Variants in SLC22A12 observed in about 807,000 individuals in gnomAD.
SLC22A12 encodes the protein solute carrier family 22 member 12, also known as organic anion transporter 4-like protein.
In SLC22A12, 56 loss-of-function variants were observed where a neutral mutation model predicts 52.7. The observed-to-expected ratio is 1.06, with a 90% CI of 0.86 to 1.33. The LOEUF is 1.33. Among genes scored for constraint, SLC22A12 ranks in the 40% most tolerant of loss-of-function variants. SLC22A12 has a pLI of 0.00. For synonymous variants in SLC22A12, 337 were observed against 324.6 expected (o/e 1.04, Z -0.41); for missense variants, 683 against 741.5 (o/e 0.92, Z 0.92).
At chr11:64,593,890 G>A (rs1767821577) in intron 4 of SLC22A12, 87 bp downstream of exon 4, 8 of 1,527,220 alleles carry the variant, frequency 5.2e-6, no homozygotes, top group Middle Eastern at 1.7e-4. Flanking sequence ...TTCCCTGGGG[G>A]CTGGGGAGTG....
chr11:64,595,963 GATGGA>G (rs2039186008), intron 4 of SLC22A12, among the ~76,000 whole-genome samples: 1 of 140,346 alleles, frequency 7.1e-6, no homozygotes, highest in Non-Finnish European at 1.6e-5. Context: ...TGGATGGATG[GATGGA>G]ATGGATGGAT....
intron 1 of SLC22A12, among the ~76,000 whole-genome samples, chr11:64,592,519 G>A (rs1280680093): frequency 6.6e-6 from 1 of 152,140 alleles, no homozygotes; most frequent in African/African-American, 2.4e-5. Flanking sequence ...CAGGAGAGAG[G>A]GGCAGATGTG....
chr11:64,598,161 G>T (rs1426256779), intron 4 of SLC22A12, among the ~76,000 whole-genome samples: 1 of 152,096 alleles, frequency 6.6e-6, no homozygotes, highest in African/African-American at 2.4e-5. Context: ...AGCCCTAGGG[G>T]CCCTGACTGC....
intron 4 of SLC22A12, among the ~76,000 whole-genome samples, chr11:64,594,741 A>T (rs200964999): frequency 1.6e-5 from 2 of 128,936 alleles, no homozygotes; most frequent in African/African-American, 5.7e-5. Context: ...AGACGGACGG[A>T]CGGTTGGATG....
chr11:64,593,908 C>G lies in SLC22A12; in HGVS notation c.830+105C>G, dbSNP rs2039003990. 11 of 1,485,354 alleles carry G rather than the reference C, an allele frequency of 7.4e-6. No individual in the cohort carries two copies. The Admixed American group carries it at 2.2e-4, about 29-fold the overall frequency. 92.0% of individuals were successfully genotyped at this position (1,485,354 alleles called of 1,614,324 possible). On this transcript the variant is annotated intron_variant, in intron 4 of 9. Transcript: ENST00000377574. ...CCTGGGGGCTGGGGAGTGCTAGAGG[C>G]CAGGGGTGCATGGGCTGGAGGAAAG... is the stretch of plus-strand genomic sequence containing the variant.
At position 64,601,614 on chromosome 11, in the gene SLC22A12, G is replaced by A. The variant is rs993529498; in HGVS notation, c.*63G>A. ...AGACTTCTTCTGTTCTCTGGAGAAG[G>A]CAGGAGGAAAGCAAAGACCTCCATT... On this transcript the variant is annotated 3_prime_UTR_variant, in exon 10 of 10. Coordinates refer to ENST00000377574, the MANE Select transcript of SLC22A12 (RefSeq NM_144585.4). The A allele has an allele frequency of 1.9e-6, 3 of 1,578,326 alleles. No individual in the cohort carries two copies. Among genetic ancestry groups the A allele is most frequent in the South Asian group, 1.1e-5 (1 of 89,180 alleles).
rs888147463 is a variant in SLC22A12 at position 64,601,811 on chromosome 11, G to A, written c.*260G>A. ...TGCACCATCACCCTGCCCTGCCCTC[G>A]TGGCTTCGGAGAGCAGAGGGGTCAG... On this transcript the variant is annotated 3_prime_UTR_variant, in exon 10 of 10. Transcript: ENST00000377574. 4.9e-5 allele frequency: 23 copies of A among 468,866 alleles called. No individual in the cohort carries two copies. Among genetic ancestry groups the A allele is most frequent in the African/African-American group, 2.6e-4 (12 of 46,800 alleles). The allele number at this position is 468,866 out of a possible 1,614,324, so 29.0% of individuals were successfully genotyped here.
intron 5 of SLC22A12, 77 bp downstream of exon 5, chr11:64,598,716 C>T: frequency 6.2e-7 from 1 of 1,601,446 alleles, no homozygotes; most frequent in East Asian, 2.3e-5. Context: ...GGGAGACCCA[C>T]CAAGGACCTC....
At chr11:64,594,416 C>G (rs2039019117) in intron 4 of SLC22A12, among the ~76,000 whole-genome samples, 1 of 152,232 alleles carries the variant, frequency 6.6e-6, no homozygotes, top group South Asian at 2.1e-4. Context: ...TGCCGAGCAC[C>G]TGGCACATAG....
rs1235171615 is a variant in SLC22A12 at position 64,592,854 on chromosome 11, G to A, written c.478G>A (p.Ala160Thr). Residue 160 changes from alanine to threonine, a missense_variant, in exon 2 of 10, where the codon GCT becomes ACT. Coordinates refer to ENST00000377574, the MANE Select transcript of SLC22A12 (RefSeq NM_144585.4). ...CTACCTGGCTGGGATTCTGGTGGGAGCTGCTGCGTGCGGCCCTGCCTCAGA... is the reference window on the plus strand; with the variant it reads ...CTACCTGGCTGGGATTCTGGTGGGAACTGCTGCGTGCGGCCCTGCCTCAGA... The part of the protein sequence containing the change: ...SIYLAGILVG[A>T]AACGPASDRF... The A allele has an allele frequency of 2.5e-6, 4 of 1,613,798 alleles. No individual in the cohort carries two copies. Among genetic ancestry groups the A allele is most frequent in the Non-Finnish European group, 3.4e-6 (4 of 1,180,030 alleles).
intron 4 of SLC22A12, 43 bp from the exon 5 acceptor site, chr11:64,598,473 G>T (rs2039325183): frequency 1.3e-6 from 2 of 1,551,974 alleles, no homozygotes; most frequent in African/African-American, 2.7e-5. Flanking sequence ...CCAGGCACTG[G>T]GGGCCACAGG....
intron 9 of SLC22A12, 146 bp from the exon 10 acceptor site, chr11:64,601,342 C>G: frequency 1.2e-6 from 1 of 805,672 alleles, no homozygotes; most frequent in East Asian, 2.7e-5. Flanking sequence ...CACACACACC[C>G]CCAACCCATC....
chr11:64,592,736 GCT>G, intron 1 of SLC22A12, 41 bp from the exon 2 acceptor site: 1 of 1,537,376 alleles, frequency 6.5e-7, no homozygotes. Flanking sequence ...CTCTGCTGGG[GCT>G]CTCCCAACCT....
At chr11:64,597,194 C>T (rs1017693971) in intron 4 of SLC22A12, among the ~76,000 whole-genome samples, 6 of 152,144 alleles carry the variant, frequency 3.9e-5, no homozygotes, top group Non-Finnish European at 7.4e-5. Context: ...AACTGCCCTT[C>T]CCAGGGTCAC....
rs1397868648 is a variant in SLC22A12, at chr11:64,598,595, G to A, written c.910G>A (p.Ala304Thr). 6.2e-7 allele frequency: 1 copy of A among 1,610,336 alleles called. No individual in the cohort carries two copies. The highest frequency in any genetic ancestry group is 1.1e-5 in the South Asian group (1 of 90,340). ...CCTGCAGGAGCTGTGGAGGGTGGCT[G>A]CCATCAACGGAAAGGGGGCAGTGCA... Reference protein sequence around the residue: ...WGLQELWRVAAINGKGAVQDT... With the variant: ...WGLQELWRVATINGKGAVQDT... Residue 304 changes from alanine to threonine, a missense_variant, in exon 5 of 10, where the codon GCC becomes ACC. Coordinates refer to ENST00000377574, the MANE Select transcript of SLC22A12 (RefSeq NM_144585.4).
Position 64,591,388 on chromosome 11 carries a change from G to C in SLC22A12, c.-169G>C. The C allele has an allele frequency of 1.2e-6, 1 of 866,256 alleles. No individual in the cohort carries two copies. The highest frequency in any genetic ancestry group is 1.7e-6 in the Non-Finnish European group (1 of 572,158). The allele number at this position is 866,256 out of a possible 1,614,324, so 53.7% of individuals were successfully genotyped here. A position where few individuals can be genotyped will look rare whatever the true frequency, so the allele number is the denominator to read the frequency against. On this transcript the variant is annotated 5_prime_UTR_variant, in exon 1 of 10. An upstream start codon of the reference 5' UTR is lost. Coordinates refer to ENST00000377574, the MANE Select transcript of SLC22A12 (RefSeq NM_144585.4). ...CCCCAAGTGACACCAGCAGGCAGATGACCAGAGAGCCTGAGCCTCCGGCCC... is the reference window on the plus strand; with the variant it reads ...CCCCAAGTGACACCAGCAGGCAGATCACCAGAGAGCCTGAGCCTCCGGCCC...
At position 64,600,381 on chromosome 11, in the gene SLC22A12, C is replaced by G. The variant is rs145200251; in HGVS notation, c.1300C>G (p.Arg434Gly). ...TCTACCCACAGAAATGGGGGCTCTG[C>G]GCTCAGCCTTGGCCGTGCTGGGGCT... ...TLVPHEMGAL[R>G]SALAVLGLGG... The change falls in exon 8 of 10, where the codon CGC becomes GGC. Residue 434 changes from arginine to glycine, a missense_variant. Transcript: ENST00000377574. 6.2e-7 allele frequency: 1 copy of G among 1,605,112 alleles called. No homozygotes were observed. Among genetic ancestry groups the G allele is most frequent in the African/African-American group, 1.3e-5 (1 of 74,876 alleles).
At chr11:64,598,749 A>G in intron 5 of SLC22A12, 59 bp from the exon 6 acceptor site, 1 of 1,609,060 alleles carries the variant, frequency 6.2e-7, no homozygotes, top group Non-Finnish European at 8.5e-7. Flanking sequence ...AGAAGGTCTC[A>G]GAGAGGAGGA....
At chr11:64,597,693 G>A (rs550475425) in intron 4 of SLC22A12, among the ~76,000 whole-genome samples, 13 of 152,368 alleles carry the variant, frequency 8.5e-5, no homozygotes, top group South Asian at 8.3e-4. Context: ...GGGACAACAC[G>A]TCTGGCTGAA....
Sources: allele counts gnomAD v4.1 joint callset (sites outside exome capture counted in the v4.1 genomes callset), GRCh38; gene constraint gnomAD v4.1.1; transcripts MANE v1.5; gene names NCBI Gene and HGNC (gene_info 2026-07-23, HGNC 2026-07-21).